Variants in TOX observed in about 807,000 individuals in gnomAD.
TOX encodes the protein thymocyte selection associated high mobility group box, also known as thymocyte selection-associated high mobility group box protein TOX.
TOX carries 11 observed loss-of-function variants against 53.7 expected under a neutral mutation model. That is an observed-to-expected ratio of 0.20 (90% CI 0.13 to 0.34). TOX has a LOEUF of 0.34. Ranked by LOEUF, TOX falls within the 10% of genes least tolerant of loss-of-function variation. The pLI, the probability that TOX is intolerant of heterozygous loss-of-function variation, is 1.00. For synonymous variants in TOX, 225 were observed against 245.3 expected (o/e 0.92, Z 0.77); for missense variants, 570 against 664.6 (o/e 0.86, Z 1.56).
At chr8:59,046,231 G>A (rs1030339943) in intron 1 of TOX, among the ~76,000 whole-genome samples, 16 of 152,182 alleles carry the variant, frequency 1.1e-4, no homozygotes, top group Middle Eastern at 3.4e-3. Context: ...CATGTGCCAG[G>A]CCATTTTATA....
In TOX at chr8:58,806,870, A is replaced by AAAC. The variant is rs1809984909; in HGVS notation, c.*874_*876dup. On this transcript the variant is annotated 3_prime_UTR_variant, in exon 9 of 9. Transcript: ENST00000361421. ...GATTAAATACAGACACAGTATGAAG[A>AAAC]AACAATAAGACAGAGCCATATGTAA... is the stretch of plus-strand genomic sequence containing the variant. The AAAC allele has an allele frequency of 6.5e-6, 1 of 152,682 alleles. No individual in the cohort carries two copies. The highest frequency in any genetic ancestry group is 1.5e-5 in the Non-Finnish European group (1 of 68,042). 9.5% of individuals were successfully genotyped at this position (152,682 alleles called of 1,614,324 possible).
At chr8:59,038,770 T>A (rs573884873) in intron 1 of TOX, among the ~76,000 whole-genome samples, 28 of 152,378 alleles carry the variant, frequency 1.8e-4, no homozygotes, top group African/African-American at 6.7e-4. Flanking sequence ...TCTGCCATCT[T>A]GGGCACTTTT....
At position 58,805,422 on chromosome 8, in the gene TOX, C is replaced by G. The variant is rs2129163202; in HGVS notation, c.*2325G>C. The G allele has an allele frequency of 6.6e-6, 1 of 152,342 alleles. No homozygotes were observed. The highest frequency in any genetic ancestry group is 1.9e-4 in the East Asian group (1 of 5,188). 9.4% of individuals were successfully genotyped at this position (152,342 alleles called of 1,614,324 possible). A position where few individuals can be genotyped will look rare whatever the true frequency, so the allele number is the denominator to read the frequency against. On this transcript the variant is annotated 3_prime_UTR_variant, in exon 9 of 9. Coordinates refer to ENST00000361421, the MANE Select transcript of TOX (RefSeq NM_014729.3). The stretch of plus-strand genomic sequence containing the variant: ...GATCACCAAATAGAATACGGTCACG[C>G]ATAATAACAGTTTTATTGATGATGT...
intron 3 of TOX, among the ~76,000 whole-genome samples, chr8:58,889,212 CAAAA>C (rs10556451): frequency 2.6e-5 from 3 of 114,432 alleles, no homozygotes; most frequent in Non-Finnish European, 5.4e-5. Context: ...TTTACAATAG[CAAAA>C]AAAAAAAAAA....
chr8:58,886,887 T>TA (rs1172570839), intron 3 of TOX, among the ~76,000 whole-genome samples: 14 of 151,242 alleles, frequency 9.3e-5, no homozygotes, highest in African/African-American at 3.4e-4. Flanking sequence ...TTCAATGTGT[T>TA]AAAGGTAGTT....
rs991923659 is a variant in TOX, at chr8:59,117,840, T to C, written c.102+1046A>G. 2.0e-5 allele frequency among the ~76,000 whole-genome samples: 3 copies of C among 152,228 alleles called. No individual in the cohort carries two copies. Among genetic ancestry groups the C allele is most frequent in the Non-Finnish European group, 4.4e-5 (3 of 68,038 alleles). ...GCGTTTTAGAGAACTCAATTCTCTC[T>C]GCCAACGTTCATCCAACGGGACTGC... is the stretch of plus-strand genomic sequence containing the variant. On this transcript the variant is annotated intron_variant, in intron 1 of 8. Coordinates refer to ENST00000361421, the MANE Select transcript of TOX (RefSeq NM_014729.3). The surrounding 1 kb of genome is among the most constrained non-coding windows in gnomAD (Gnocchi z 4.6).
chr8:59,011,330 G>A (rs1813899742), intron 1 of TOX, among the ~76,000 whole-genome samples: 1 of 152,196 alleles, frequency 6.6e-6, no homozygotes, highest in South Asian at 2.1e-4. Context: ...GCTTTTCTGT[G>A]TGGAAGATCC....
At chr8:58,898,785 T>C (rs1269645690) in intron 3 of TOX, among the ~76,000 whole-genome samples, 1 of 152,104 alleles carries the variant, frequency 6.6e-6, no homozygotes, top group African/African-American at 2.4e-5. Context: ...TCAGAGGAGG[T>C]CAACCCCTTC....
At chr8:58,974,822 A>C (rs1197859734) in intron 1 of TOX, among the ~76,000 whole-genome samples, 1 of 152,194 alleles carries the variant, frequency 6.6e-6, no homozygotes, top group East Asian at 1.9e-4. Flanking sequence ...TGTTTGCAAG[A>C]TGCTGCATCT....
chr8:58,867,868 C>A (rs1374260871), intron 3 of TOX, among the ~76,000 whole-genome samples: 1 of 152,172 alleles, frequency 6.6e-6, no homozygotes, highest in East Asian at 1.9e-4. Flanking sequence ...ATTGAAGAAC[C>A]AGGCTCAGAG....
chr8:58,982,219 C>T (rs1233148595), intron 1 of TOX, among the ~76,000 whole-genome samples: 2 of 152,178 alleles, frequency 1.3e-5, no homozygotes, highest in East Asian at 1.9e-4. Flanking sequence ...ACTTGGATCT[C>T]TCAGCCTTTT....
At chr8:59,063,639 G>A (rs1219605722) in intron 1 of TOX, among the ~76,000 whole-genome samples, 3 of 151,936 alleles carry the variant, frequency 2.0e-5, no homozygotes, top group African/African-American at 7.3e-5. Flanking sequence ...AGCCAGGATG[G>A]TCTTGATCTC....
intron 3 of TOX, among the ~76,000 whole-genome samples, chr8:58,932,766 G>A (rs1395085140): frequency 6.6e-6 from 1 of 151,992 alleles, no homozygotes; most frequent in Non-Finnish European, 1.5e-5. Flanking sequence ...AGGCCTGAAG[G>A]AACACTTCTG....
chr8:59,092,319 A>ATTATATATACAT (rs11433613), intron 1 of TOX, among the ~76,000 whole-genome samples: 3 of 87,802 alleles, frequency 3.4e-5, no homozygotes, highest in East Asian at 5.2e-4. Context: ...TTATATATAC[A>ATTATATATACAT]TATATATATT....
intron 1 of TOX, among the ~76,000 whole-genome samples, chr8:59,004,191 A>G (rs530960618): frequency 6.6e-6 from 1 of 152,322 alleles, no homozygotes; most frequent in African/African-American, 2.4e-5. Flanking sequence ...ACTGTAAGCT[A>G]TGGTTTATAC....
chr8:58,948,952 T>C (rs1447684140), intron 2 of TOX, among the ~76,000 whole-genome samples: 1 of 152,230 alleles, frequency 6.6e-6, no homozygotes, highest in Non-Finnish European at 1.5e-5. Flanking sequence ...TGAGCTTTTG[T>C]TTTTGTTTTC....
intron 3 of TOX, among the ~76,000 whole-genome samples, chr8:58,867,355 T>C (rs1473932870): frequency 6.6e-6 from 1 of 152,216 alleles, no homozygotes; most frequent in Non-Finnish European, 1.5e-5. Context: ...CAAACGCTCA[T>C]TGTCTGCTCA....
At chr8:58,933,259 C>A (rs1344779257) in intron 3 of TOX, among the ~76,000 whole-genome samples, 1 of 152,118 alleles carries the variant, frequency 6.6e-6, no homozygotes, top group African/African-American at 2.4e-5. Context: ...TACAAGGTTG[C>A]ATTTTCCCGT....
chr8:58,960,374 T>C (rs549142794), intron 1 of TOX, among the ~76,000 whole-genome samples: 1 of 152,334 alleles, frequency 6.6e-6, no homozygotes, highest in East Asian at 1.9e-4. Context: ...AATGGCATGA[T>C]TTCTGAAAGA....
Sources: gnomAD v4.1 joint callset for allele counts (sites outside exome capture counted in the v4.1 genomes callset) on GRCh38, gnomAD v4.1.1 for gene constraint, Gnocchi (gnomAD v3.1) non-coding constraint, MANE v1.5 for transcripts, NCBI Gene and HGNC (gene_info 2026-07-23, HGNC 2026-07-21) for gene names.